COL28A1: variants seen among roughly 807,000 people sequenced by gnomAD.
The protein encoded by COL28A1 is collagen type XXVIII alpha 1 chain, also known as collagen alpha-1(XXVIII) chain.
COL28A1 carries 161 observed loss-of-function variants against 150.2 expected under a neutral mutation model. The ratio of observed to expected loss-of-function variants is 1.07; its 90% confidence interval spans 0.94 to 1.22. COL28A1 has a LOEUF of 1.22. Ranked by LOEUF, COL28A1 falls within the 50% of genes most tolerant of loss-of-function variation. COL28A1 has a pLI of 0.00. For synonymous variants in COL28A1, 552 were observed against 469.7 expected, an observed-to-expected ratio of 1.18 and a Z score of -2.26; for missense variants, 1,617 against 1,388.3, an observed-to-expected ratio of 1.16 and a Z score of -2.62.
intron 25 of COL28A1, among the ~76,000 whole-genome samples, chr7:7,420,755 A>G (rs17167528): frequency 0.08 from 12,155 of 152,300 alleles, 598 homozygotes; most frequent in Middle Eastern, 0.21. Context: ...AAGTGTTTCT[A>G]TCATGATTTT....
At chr7:7,512,946 G>A (rs1210174038) in intron 8 of COL28A1, among the ~76,000 whole-genome samples, 3 of 152,186 alleles carry the variant, frequency 2.0e-5, no homozygotes, top group African/African-American at 7.2e-5. Context: ...GTAAATCAAT[G>A]CACTGCTTCT....
intron 13 of COL28A1, among the ~76,000 whole-genome samples, chr7:7,478,998 G>A (rs574519348): frequency 2.6e-5 from 4 of 152,348 alleles, no homozygotes; most frequent in South Asian, 2.1e-4. Flanking sequence ...ACAGTGCAGC[G>A]GTGGGCTGAA....
chr7:7,349,312 A>T, the COL28A1 span, among the ~76,000 whole-genome samples: 25 of 152,200 alleles, frequency 1.6e-4, no homozygotes, highest in African/African-American at 6.0e-4. Flanking sequence ...TACTTCATGA[A>T]TCTTGAGGTT....
intron 27 of COL28A1, among the ~76,000 whole-genome samples, chr7:7,414,338 G>A (rs1370695362): frequency 6.6e-6 from 1 of 152,204 alleles, no homozygotes; most frequent in Non-Finnish European, 1.5e-5. Context: ...ACATGAACCT[G>A]AAAGTCCAAG....
intron 11 of COL28A1, among the ~76,000 whole-genome samples, chr7:7,491,451 T>C (rs540581403): frequency 3.0e-4 from 46 of 152,358 alleles, no homozygotes; most frequent in African/African-American, 1.1e-3. Flanking sequence ...ATACCCTCAA[T>C]GAGCAACTGA....
intron 11 of COL28A1, among the ~76,000 whole-genome samples, chr7:7,498,590 A>T (rs1363794487): frequency 1.3e-5 from 2 of 152,232 alleles, no homozygotes; most frequent in African/African-American, 4.8e-5. Context: ...ACTGAATTAC[A>T]TACTTATAGA....
At position 7,364,667 on chromosome 7, in the gene COL28A1, T is replaced by A. The variant is rs138307316; in HGVS notation, c.3067-4139A>T. Among the ~76,000 whole-genome samples the A allele has an allele frequency of 5.9e-3, 891 of 152,288 alleles. 8 individuals carry two copies. Among genetic ancestry groups the A allele is most frequent in the African/African-American group, 0.02 (846 of 41,540 alleles). ...TTTTCTATTGTTAATCTGTCTTTTGTCAGTCTAATTTACAAGGCCTTACCT... is the reference window on the plus strand; with the variant it reads ...TTTTCTATTGTTAATCTGTCTTTTGACAGTCTAATTTACAAGGCCTTACCT... On this transcript the variant is annotated intron_variant, in intron 33 of 34. Coordinates refer to ENST00000399429, the MANE Select transcript of COL28A1 (RefSeq NM_001037763.3).
rs767772487 is a variant in COL28A1, at chr7:7,458,814, CA to C, written c.1303-2703del. On this transcript the variant is annotated intron_variant, in intron 15 of 34. Transcript: ENST00000399429. ...GCAGAGGTGACAGTCAAGTCCAACT[CA>C]TAGCCACTAGCCAAAACCCAACTCA... Among the ~76,000 whole-genome samples the C allele has an allele frequency of 4.6e-3, 708 of 152,322 alleles. 5 individuals are homozygous for C. The highest frequency in any genetic ancestry group is 0.022 in the East Asian group (115 of 5,186).
At chr7:7,451,649 T>C (rs1260946816) in intron 18 of COL28A1, among the ~76,000 whole-genome samples, 3 of 152,158 alleles carry the variant, frequency 2.0e-5, no homozygotes, top group African/African-American at 7.2e-5. Flanking sequence ...GCAATTGACA[T>C]ATATATAACA....
At chr7:7,485,201 A>G (rs1779558278) in intron 13 of COL28A1, among the ~76,000 whole-genome samples, 1 of 152,174 alleles carries the variant, frequency 6.6e-6, no homozygotes. Context: ...AAAAATATAT[A>G]CAAGTATATG....
At position 7,373,041 on chromosome 7, in the gene COL28A1, G is replaced by T. The variant is rs1781318930; in HGVS notation, c.2865C>A (p.Asp955Glu). 3.1e-6 allele frequency: 5 copies of T among 1,614,106 alleles called. No individual in the cohort carries two copies. The highest frequency in any genetic ancestry group is 2.7e-5 in the African/African-American group (2 of 74,996). The change falls in exon 32 of 35, where the codon GAC becomes GAA. Residue 955 changes from aspartate (D) to glutamate (E), a missense_variant. Physicochemically the swap from Asp to Glu is conservative, Grantham distance 45. Coordinates refer to ENST00000399429, the MANE Select transcript of COL28A1 (RefSeq NM_001037763.3). This position sits in a 1 kb window ranked among gnomAD's most constrained non-coding sequence, Gnocchi z 4.1. ...FHKEMNLIAT[D>E]PEHVYQFDDF... ...CATCAAACTGGTAAACATGCTCTGG[G>T]TCAGTAGCAATTAGATTCATTTCTT...
At chr7:7,529,604 T>C (rs547646131) in intron 3 of COL28A1, among the ~76,000 whole-genome samples, 4 of 152,180 alleles carry the variant, frequency 2.6e-5, no homozygotes, top group Admixed American at 6.5e-5. Flanking sequence ...GCCTGTGTTC[T>C]CAGTGAAGCA....
At chr7:7,475,015 C>T (rs559871374) in intron 14 of COL28A1, among the ~76,000 whole-genome samples, 1 of 152,104 alleles carries the variant, frequency 6.6e-6, no homozygotes, top group Admixed American at 6.6e-5. Context: ...GTCTCCTTTT[C>T]CTTAATATTG....
At chr7:7,381,087 T>G (rs1781845971) in intron 28 of COL28A1, among the ~76,000 whole-genome samples, 1 of 152,168 alleles carries the variant, frequency 6.6e-6, no homozygotes, top group Non-Finnish European at 1.5e-5. Context: ...GAAGAGACCT[T>G]GAGATATAAT....
At chr7:7,407,954 T>C (rs915643411) in intron 27 of COL28A1, among the ~76,000 whole-genome samples, 3 of 152,160 alleles carry the variant, frequency 2.0e-5, no homozygotes, top group Admixed American at 6.6e-5. Context: ...TAAAAGACTT[T>C]AAGGCCAAAA....
At chr7:7,507,225 G>A (rs1363801589) in intron 9 of COL28A1, 64 bp from the exon 10 acceptor site, 2 of 774,412 alleles carry the variant, frequency 2.6e-6, no homozygotes, top group South Asian at 1.6e-5. Context: ...GTGATTTTAG[G>A]TAGGAGGGAA....
intron 13 of COL28A1, among the ~76,000 whole-genome samples, chr7:7,480,036 G>A (rs1436946097): frequency 2.6e-5 from 4 of 152,138 alleles, no homozygotes; most frequent in African/African-American, 7.2e-5. Context: ...CAACTTTCCT[G>A]CAAGTTCCTA....
upstream of COL28A1, among the ~76,000 whole-genome samples, chr7:7,537,883 C>A (rs990859803): frequency 3.9e-5 from 6 of 152,164 alleles, no homozygotes; most frequent in African/African-American, 1.4e-4. Flanking sequence ...TTCAGGTCAA[C>A]TCTCTTTTTG....
intron 15 of COL28A1, among the ~76,000 whole-genome samples, chr7:7,461,669 T>C (rs927714646): frequency 5.9e-5 from 9 of 152,096 alleles, no homozygotes; most frequent in African/African-American, 2.2e-4. Context: ...ATTATCCTCC[T>C]AGGTATACAA....
Sources: gnomAD v4.1 joint callset for allele counts (sites outside exome capture counted in the v4.1 genomes callset) on GRCh38, gnomAD v4.1.1 for gene constraint, Gnocchi (gnomAD v3.1) non-coding constraint, MANE v1.5 for transcripts, NCBI Gene and HGNC (gene_info 2026-07-23, HGNC 2026-07-21) for gene names.